Variants in PLS3 observed in about 807,000 individuals in gnomAD.
PLS3 encodes plastin-3.
In PLS3, 11 loss-of-function variants were observed where a neutral mutation model predicts 46.5. That is an observed-to-expected ratio of 0.24 (90% CI 0.15 to 0.39). PLS3 has a LOEUF of 0.39. Ranked by LOEUF, PLS3 falls within the 10% of genes least tolerant of loss-of-function variation. PLS3 has a pLI of 1.00. For missense variants in PLS3, 308 were observed against 461.8 expected (o/e 0.67, Z 3.05); for synonymous variants, 167 against 162.2 (o/e 1.03, Z -0.22).
At chrX:115,587,211 G>GA (rs2074314541) in intron 1 of PLS3, among the ~76,000 whole-genome samples, 1 of 112,202 alleles carries the variant, frequency 8.9e-6, no homozygotes, top group South Asian at 3.7e-4. Context: ...ATCACCTTTA[G>GA]AAAAAAATCT....
At chrX:115,642,976 C>G (rs1247242275) in intron 9 of PLS3, among the ~76,000 whole-genome samples, 2 of 111,691 alleles carry the variant, frequency 1.8e-5, no homozygotes, top group Non-Finnish European at 3.8e-5. Context: ...AAAGTGGAAC[C>G]AGAGAAAGTG....
chrX:115,648,801 G>A (rs2074976875), intron 15 of PLS3, among the ~76,000 whole-genome samples: 2 of 111,812 alleles, frequency 1.8e-5, no homozygotes, highest in Admixed American at 9.6e-5. Context: ...CTAGAAACTC[G>A]ATGATTTAAT....
At chrX:115,619,557 T>C (rs2074628795) in intron 2 of PLS3, among the ~76,000 whole-genome samples, 1 of 112,718 alleles carries the variant, frequency 8.9e-6, no homozygotes. Flanking sequence ...ATACTTTACA[T>C]GTAGAAATAA....
intron 1 of PLS3, among the ~76,000 whole-genome samples, chrX:115,561,572 C>T (rs2074135193): frequency 1.8e-5 from 2 of 112,132 alleles, no homozygotes; most frequent in Admixed American, 9.4e-5. Context: ...TGTTGCCAGT[C>T]TTGGGCTGGA....
intron 1 of PLS3, among the ~76,000 whole-genome samples, chrX:115,604,510 T>C (rs1171589353): frequency 1.8e-5 from 2 of 112,024 alleles, no homozygotes; most frequent in Non-Finnish European, 3.8e-5. Context: ...AACTTGCTCA[T>C]GGACACATTA....
Position 115,582,777 on chromosome X carries a change from C to G in PLS3, c.-9+21517C>G, listed in dbSNP as rs188589316. 1.3e-3 allele frequency among the ~76,000 whole-genome samples: 145 copies of G among 112,659 alleles called. 2 individuals are homozygous for G. The Middle Eastern group carries it at 0.014, about 11-fold the overall frequency. Reference sequence around the variant, plus strand: ...CTAATAGGCCAAGCGTGGTAGCTCACGCCTGAATCCCAACACTTTAGGAGG... The same window carrying G: ...CTAATAGGCCAAGCGTGGTAGCTCAGGCCTGAATCCCAACACTTTAGGAGG... On this transcript the variant is annotated intron_variant, in intron 1 of 15. Transcript: ENST00000355899.
At chrX:115,577,383 C>G (rs782235584) in intron 1 of PLS3, among the ~76,000 whole-genome samples, 1 of 111,784 alleles carries the variant, frequency 8.9e-6, no homozygotes, top group African/African-American at 3.2e-5. Context: ...AAACACTGAT[C>G]ATAAAGAGTT....
intron 1 of PLS3, among the ~76,000 whole-genome samples, chrX:115,595,075 T>A: frequency 8.9e-6 from 1 of 111,902 alleles, no homozygotes; most frequent in Non-Finnish European, 1.9e-5. Context: ...GCAAAATTCT[T>A]GCCTGAGAAA....
At chrX:115,633,959 C>CT (rs782298155) in intron 5 of PLS3, 41 bp from the exon 6 acceptor site, 293 of 701,352 alleles carry the variant, frequency 4.2e-4, no homozygotes, top group Non-Finnish European at 5.6e-4. Flanking sequence ...GAAATCAGCT[C>CT]TTTTTTTTTA....
chrX:115,634,215 A>ATTG, intron 6 of PLS3, 134 bp downstream of exon 6: 1 of 456,409 alleles, frequency 2.2e-6, no homozygotes, highest in Non-Finnish European at 3.9e-6. Context: ...TGTTATCCAG[A>ATTG]TTATACAGAC....
chrX:115,617,561 C>T (rs782640630), intron 2 of PLS3, among the ~76,000 whole-genome samples: 1 of 111,434 alleles, frequency 9.0e-6, no homozygotes, highest in African/African-American at 3.3e-5. Context: ...AATTTTTTTC[C>T]ATTGCTTATT....
intron 8 of PLS3, among the ~76,000 whole-genome samples, chrX:115,638,568 C>T: frequency 9.0e-6 from 1 of 111,361 alleles, no homozygotes; most frequent in African/African-American, 3.3e-5. Context: ...TTGCTTCATG[C>T]ACTAGATGCG....
chrX:115,640,905 G>A (rs1313335338), intron 9 of PLS3, among the ~76,000 whole-genome samples: 1 of 111,398 alleles, frequency 9.0e-6, no homozygotes, highest in Admixed American at 9.6e-5. Context: ...TGTGTTGAGA[G>A]TAATGTGATT....
chrX:115,591,702 G>A (rs782514685), intron 1 of PLS3, among the ~76,000 whole-genome samples: 6 of 111,855 alleles, frequency 5.4e-5, no homozygotes, highest in Admixed American at 9.5e-5. Flanking sequence ...AAAAATGCAT[G>A]ATAACACATA....
rs1469864862 is a variant in PLS3, at chrX:115,598,443, G to T, written c.-8-11800G>T. Among the ~76,000 whole-genome samples the T allele has an allele frequency of 3.6e-5, 4 of 110,923 alleles. No homozygotes were observed. The Admixed American group carries it at 3.9e-4, about 11-fold the overall frequency. ...CTAGGAACCTATGACACACGTGAGG[G>T]CATTTAGGTTTTGACTCCCTTATTT... On this transcript the variant is annotated intron_variant, in intron 1 of 15. Coordinates refer to ENST00000355899, the MANE Select transcript of PLS3 (RefSeq NM_005032.7).
At position 115,636,833 on chromosome X, in the gene PLS3, TAGC is replaced by T; in HGVS notation, c.749-2_749del. The T allele has an allele frequency of 8.5e-7, 1 of 1,183,373 alleles. No individual in the cohort carries two copies. ...CTGTGGGATTTTTTTTTTTTTCTTC[TAGC>T]CTTGGCTGCTTTACTCCGAGATGGT... On this transcript the variant is annotated splice_acceptor_variant and coding_sequence_variant, in exon 8 of 16. Coordinates refer to ENST00000355899, the MANE Select transcript of PLS3 (RefSeq NM_005032.7). LOFTEE classifies it high-confidence loss of function.
intron 1 of PLS3, among the ~76,000 whole-genome samples, chrX:115,566,537 C>T (rs1192711929): frequency 1.8e-5 from 2 of 108,691 alleles, no homozygotes; most frequent in African/African-American, 6.7e-5. Context: ...TACAGGCGCC[C>T]GCCACTGTGC....
At chrX:115,566,634 C>A (rs2074175568) in intron 1 of PLS3, among the ~76,000 whole-genome samples, 1 of 109,859 alleles carries the variant, frequency 9.1e-6, no homozygotes, top group African/African-American at 3.3e-5. Context: ...GCCTCGGCCT[C>A]CCAAAGTGCT....
chrX:115,571,627 T>C (rs1036454481), intron 1 of PLS3, among the ~76,000 whole-genome samples: 22 of 110,953 alleles, frequency 2.0e-4, no homozygotes, highest in African/African-American at 7.2e-4. Flanking sequence ...GCTCAGTAAA[T>C]TACAGACACC....
Sources: allele counts gnomAD v4.1 joint callset (sites outside exome capture counted in the v4.1 genomes callset), GRCh38; gene constraint gnomAD v4.1.1; transcripts MANE v1.5; gene names NCBI Gene and HGNC (gene_info 2026-07-23, HGNC 2026-07-21).